The following PTPRG variants were observed in gnomAD, a reference collection of about 807,000 sequenced individuals.
The protein encoded by PTPRG is receptor-type tyrosine-protein phosphatase gamma.
A neutral mutation model predicts 165.3 loss-of-function variants in PTPRG; 102 were observed. The ratio of observed to expected loss-of-function variants is 0.62; its 90% confidence interval spans 0.53 to 0.73. PTPRG has a LOEUF of 0.73. Ranked by LOEUF, PTPRG falls within the 30% of genes least tolerant of loss-of-function variation. PTPRG has a pLI of 0.00. For synonymous variants in PTPRG, 675 were observed against 669.5 expected (o/e 1.01, Z -0.13); for missense variants, 1,866 against 1,861.4 (o/e 1.00, Z -0.05).
intron 1 of PTPRG, among the ~76,000 whole-genome samples, chr3:61,713,916 T>C (rs553968009): frequency 6.6e-6 from 1 of 152,332 alleles, no homozygotes; most frequent in East Asian, 1.9e-4. Flanking sequence ...TTTGTTGTAA[T>C]AATTAACAAA....
chr3:61,593,492 G>A (rs1700625154), intron 1 of PTPRG, among the ~76,000 whole-genome samples: 1 of 151,278 alleles, frequency 6.6e-6, no homozygotes, highest in Non-Finnish European at 1.5e-5. Flanking sequence ...GCTGCATAAA[G>A]GCTTAAATCT....
At chr3:61,869,458 G>A (rs924595292) in intron 2 of PTPRG, among the ~76,000 whole-genome samples, 3 of 152,156 alleles carry the variant, frequency 2.0e-5, no homozygotes, top group Admixed American at 6.5e-5. Flanking sequence ...GTGGTTGCAC[G>A]TTTCAAGATG....
At chr3:62,003,764 G>A (rs1428522094) in intron 4 of PTPRG, among the ~76,000 whole-genome samples, 1 of 152,150 alleles carries the variant, frequency 6.6e-6, no homozygotes, top group Non-Finnish European at 1.5e-5. Flanking sequence ...TGTTTCATTT[G>A]ACACAGTTTC....
chr3:61,644,335 T>G (rs545196827), intron 1 of PTPRG, among the ~76,000 whole-genome samples: 7 of 152,324 alleles, frequency 4.6e-5, no homozygotes, highest in Middle Eastern at 3.4e-3. Context: ...AAAAATTGCA[T>G]GTACCGTTTT....
intron 1 of PTPRG, among the ~76,000 whole-genome samples, chr3:61,596,515 G>A (rs1700704450): frequency 6.6e-6 from 1 of 152,288 alleles, no homozygotes; most frequent in East Asian, 1.9e-4. Flanking sequence ...AACTGGGGCA[G>A]TGTAGGGCAA....
intron 1 of PTPRG, chr3:61,659,461 GT>G: frequency 5.1e-6 from 5 of 984,286 alleles, no homozygotes; most frequent in Non-Finnish European, 4.8e-6. Flanking sequence ...TGTCCAGACA[GT>G]GGGGTGACCA....
intron 1 of PTPRG, among the ~76,000 whole-genome samples, chr3:61,585,993 C>G (rs1253448716): frequency 6.6e-6 from 1 of 152,210 alleles, no homozygotes; most frequent in African/African-American, 2.4e-5. Flanking sequence ...TGAAAAGACA[C>G]TGATTGGGCT....
At chr3:61,999,294 C>T (rs1167548564) in intron 3 of PTPRG, among the ~76,000 whole-genome samples, 1 of 152,028 alleles carries the variant, frequency 6.6e-6, no homozygotes, top group Non-Finnish European at 1.5e-5. Flanking sequence ...TGATCCGCCC[C>T]CCTCAGCCTC....
intron 1 of PTPRG, among the ~76,000 whole-genome samples, chr3:61,703,450 T>C (rs2106715154): frequency 6.6e-6 from 1 of 152,306 alleles, no homozygotes; most frequent in Non-Finnish European, 1.5e-5. Flanking sequence ...CTTTATTTCG[T>C]AGTATGGGCA....
At chr3:61,722,720 G>A (rs1320142789) in intron 1 of PTPRG, among the ~76,000 whole-genome samples, 2 of 152,126 alleles carry the variant, frequency 1.3e-5, no homozygotes, top group Admixed American at 6.5e-5. Context: ...AATGAGTAAC[G>A]GTGAATTTTA....
intron 2 of PTPRG, among the ~76,000 whole-genome samples, chr3:61,899,817 T>A (rs1317556656): frequency 6.6e-6 from 1 of 152,182 alleles, no homozygotes; most frequent in African/African-American, 2.4e-5. Flanking sequence ...TGTCGTGGGA[T>A]TTAGCAGCTG....
At chr3:61,882,670 C>A (rs1268398341) in intron 2 of PTPRG, among the ~76,000 whole-genome samples, 1 of 152,134 alleles carries the variant, frequency 6.6e-6, no homozygotes, top group Non-Finnish European at 1.5e-5. Flanking sequence ...CCTCTTAATT[C>A]AGAGTATTCG....
intron 2 of PTPRG, among the ~76,000 whole-genome samples, chr3:61,871,829 G>A (rs2037593589): frequency 6.6e-6 from 1 of 152,162 alleles, no homozygotes; most frequent in Non-Finnish European, 1.5e-5. Flanking sequence ...CCCTTTTGAA[G>A]GAGATCAGTT....
At chr3:61,803,418 G>T (rs2035307539) in intron 2 of PTPRG, among the ~76,000 whole-genome samples, 1 of 131,270 alleles carries the variant, frequency 7.6e-6, no homozygotes, top group Non-Finnish European at 1.6e-5. Context: ...CTTACTAAGG[G>T]ACATTGCAAT....
intron 2 of PTPRG, among the ~76,000 whole-genome samples, chr3:61,767,239 T>TAAAAAAAAAAAA (rs1371380259): frequency 1.4e-5 from 1 of 73,098 alleles, no homozygotes; most frequent in Non-Finnish European, 2.6e-5. Flanking sequence ...AGATTCCATC[T>TAAAAAAAAAAAA]CAAAAAAAAA....
intron 4 of PTPRG, among the ~76,000 whole-genome samples, chr3:62,074,207 G>GTGTGTGTGTA (rs1553713371): frequency 6.6e-6 from 1 of 151,304 alleles, no homozygotes; most frequent in African/African-American, 2.4e-5. Flanking sequence ...GTGTGTGTGT[G>GTGTGTGTGTA]TGTGTATACA....
At chr3:61,975,320 A>ATGTG (rs1465346824) in intron 2 of PTPRG, among the ~76,000 whole-genome samples, 15 of 152,204 alleles carry the variant, frequency 9.9e-5, no homozygotes, top group Non-Finnish European at 2.9e-5. Context: ...TTTGAGAATT[A>ATGTG]TGTGAGATGA....
intron 4 of PTPRG, among the ~76,000 whole-genome samples, chr3:62,069,331 T>C (rs994760830): frequency 1.3e-5 from 2 of 152,198 alleles, no homozygotes; most frequent in Admixed American, 6.5e-5. Flanking sequence ...TCTTATTCTA[T>C]AGCAAATACT....
chr3:61,804,679 CAAA>C (rs201093675), intron 2 of PTPRG, among the ~76,000 whole-genome samples: 5 of 115,344 alleles, frequency 4.3e-5, no homozygotes, highest in Admixed American at 8.8e-5. Context: ...TTTCTCTCTC[CAAA>C]AAAAAAAAAA....
Sources: gnomAD v4.1 joint callset for allele counts (sites outside exome capture counted in the v4.1 genomes callset) on GRCh38, gnomAD v4.1.1 for gene constraint, MANE v1.5 for transcripts, NCBI Gene and HGNC (gene_info 2026-07-23, HGNC 2026-07-21) for gene names.